The following TRAP1 variants were observed in gnomAD, a reference collection of about 807,000 sequenced individuals.
TRAP1 encodes TNF receptor associated protein 1.
TRAP1 carries 102 observed loss-of-function variants against 89.1 expected under a neutral mutation model. The observed-to-expected ratio is 1.15, with a 90% CI of 0.98 to 1.35. The LOEUF (loss-of-function observed/expected upper bound fraction) is 1.35, where lower values mean the gene tolerates loss of function less well. TRAP1 is among the 40% of genes most tolerant of loss of function. The pLI, the probability that TRAP1 is intolerant of heterozygous loss-of-function variation, is 0.00. For missense variants in TRAP1, 1,256 were observed against 945.3 expected, an observed-to-expected ratio of 1.33 and a Z score of -4.31; for synonymous variants, 508 against 388.0, an observed-to-expected ratio of 1.31 and a Z score of -3.64.
chr16:3,687,423 G>A (rs1284461977), intron 3 of TRAP1: 1 of 152,254 alleles, frequency 6.6e-6, no homozygotes, highest in African/African-American at 2.4e-5. Flanking sequence ...CGTGAAAATG[G>A]ACTAATACAC....
chr16:3,658,410 A>G (rs2042850136), intron 17 of TRAP1, 180 bp from the exon 18 acceptor site: 2 of 613,504 alleles, frequency 3.3e-6, no homozygotes, highest in Non-Finnish European at 5.7e-6. Context: ...GTGAGCCACC[A>G]CGCCTGGCCA....
At chr16:3,663,610 C>A in intron 13 of TRAP1, 48 bp from the exon 14 acceptor site, 1 of 1,609,142 alleles carries the variant, frequency 6.2e-7, no homozygotes, top group Middle Eastern at 1.7e-4. Flanking sequence ...GGCCTCCAGC[C>A]ACCACAGAAG....
At chr16:3,701,191 T>C (rs1222742407) in intron 1 of TRAP1, among the ~76,000 whole-genome samples, 1 of 152,072 alleles carries the variant, frequency 6.6e-6, no homozygotes, top group Non-Finnish European at 1.5e-5. Flanking sequence ...ATAAAAAATA[T>C]TATTAGGAAA....
chr16:3,674,529 T>A, intron 8 of TRAP1, 35 bp from the exon 9 acceptor site: 1 of 1,607,246 alleles, frequency 6.2e-7, no homozygotes, highest in Non-Finnish European at 8.5e-7. Flanking sequence ...GGCGTCGTGT[T>A]CACCACGCAC....
chr16:3,658,811 AGCCAG>A lies in TRAP1; in HGVS notation c.1990_1994del (p.Leu664SerfsTer19), dbSNP rs746411033. On this transcript the variant is annotated frameshift_variant, in exon 17 of 18. Transcript: ENST00000246957. LOFTEE classifies it high-confidence loss of function. ...CACTCACCTGATCCACCAGCAGCTGAGCCAGGCCAGGCTCGCTTGCGCGCAGCTGA... is the reference window on the plus strand; with the variant it reads ...CACTCACCTGATCCACCAGCAGCTGAGCCAGGCTCGCTTGCGCGCAGCTGA... 9.9e-6 allele frequency: 16 copies of A among 1,613,752 alleles called. No homozygotes were observed. Among genetic ancestry groups the A allele is most frequent in the African/African-American group, 5.3e-5 (4 of 74,944 alleles).
In TRAP1 at chr16:3,710,875, A is replaced by ATTTTTTTT. The variant is rs1463164560; in HGVS notation, c.88+6545_88+6546insAAAAAAAA. Among the ~76,000 whole-genome samples, 226 of 59,088 alleles carry ATTTTTTTT rather than the reference A, an allele frequency of 3.8e-3. 1 individual carries two copies. The highest frequency in any genetic ancestry group is 0.015 in the African/African-American group (216 of 14,838). The allele number at this position is 59,088 out of a possible 152,430, so 38.8% of individuals were successfully genotyped here. ...TGTGTGTGTATATATATATATATAT[A>ATTTTTTTT]TATATTTTTTTTTTTGAGACACTGT... is the stretch of plus-strand genomic sequence containing the variant. On this transcript the variant is annotated intron_variant, in intron 1 of 17. Transcript: ENST00000246957.
intron 1 of TRAP1, among the ~76,000 whole-genome samples, chr16:3,715,441 A>AAAAAAG (rs1223571996): frequency 1.3e-5 from 2 of 152,206 alleles, no homozygotes; most frequent in African/African-American, 4.8e-5. Flanking sequence ...CCATCTCAAA[A>AAAAAAG]AAAAAGAAAA....
At chr16:3,703,847 C>G (rs1298015493) in intron 1 of TRAP1, among the ~76,000 whole-genome samples, 1 of 151,506 alleles carries the variant, frequency 6.6e-6, no homozygotes, top group East Asian at 1.9e-4. Context: ...AAGCCAGTCT[C>G]TATTGAAAAT....
chr16:3,689,515 A>G (rs2051184397), intron 2 of TRAP1, among the ~76,000 whole-genome samples: 1 of 152,106 alleles, frequency 6.6e-6, no homozygotes, highest in Admixed American at 6.6e-5. Flanking sequence ...CACATTTAAG[A>G]TCATGAACAA....
At chr16:3,674,618 T>A in intron 8 of TRAP1, 124 bp from the exon 9 acceptor site, 1 of 1,241,244 alleles carries the variant, frequency 8.1e-7, no homozygotes, top group South Asian at 1.4e-5. Flanking sequence ...CGGGCGGTGG[T>A]CTCAGGCGTA....
intron 13 of TRAP1, 92 bp downstream of exon 13, chr16:3,664,182 C>CT (rs2050767407): frequency 8.9e-6 from 12 of 1,353,330 alleles, no homozygotes; most frequent in Non-Finnish European, 1.2e-5. Flanking sequence ...TGCCCGGAGT[C>CT]TTGGGCAGGT....
intron 11 of TRAP1, among the ~76,000 whole-genome samples, chr16:3,668,437 A>G (rs2050867015): frequency 6.6e-6 from 1 of 152,218 alleles, no homozygotes; most frequent in South Asian, 2.1e-4. Flanking sequence ...TAGCTTCAAA[A>G]TACCTATAAC....
At chr16:3,693,582 CT>C (rs2051245996) in intron 1 of TRAP1, among the ~76,000 whole-genome samples, 1 of 152,162 alleles carries the variant, frequency 6.6e-6, no homozygotes, top group Non-Finnish European at 1.5e-5. Context: ...ATCAGTGTTT[CT>C]CACCATTTGT....
intron 4 of TRAP1, among the ~76,000 whole-genome samples, chr16:3,683,060 C>T (rs1290993126): frequency 1.3e-5 from 2 of 151,846 alleles, no homozygotes; most frequent in South Asian, 2.1e-4. Context: ...CCCAGCTACT[C>T]GAGAGACTGA....
rs114275731 is a variant in TRAP1 at position 3,661,570 on chromosome 16, G to A, written c.1940+417C>T. The A allele has an allele frequency of 9.3e-3, 1,529 of 164,072 alleles. 8 individuals carry two copies. Among genetic ancestry groups the A allele is most frequent in the Middle Eastern group, 0.025 (9 of 364 alleles). 10.2% of individuals were successfully genotyped at this position (164,072 alleles called of 1,614,324 possible). A position where few individuals can be genotyped will look rare whatever the true frequency, so the allele number is the denominator to read the frequency against. On this transcript the variant is annotated intron_variant, in intron 16 of 17. Coordinates refer to ENST00000246957, the MANE Select transcript of TRAP1 (RefSeq NM_016292.3). ...CTGTGCCGAGGTGGGTTTCTGCAGC[G>A]GACATTATTCGGCTATGAAAATGAA...
intron 1 of TRAP1, among the ~76,000 whole-genome samples, chr16:3,710,728 C>A (rs1005155728): frequency 6.6e-6 from 1 of 152,102 alleles, no homozygotes; most frequent in African/African-American, 2.4e-5. Flanking sequence ...TAACCCGACA[C>A]ACATAGTTAC....
At chr16:3,674,646 A>C (rs2050963367) in intron 8 of TRAP1, 152 bp from the exon 9 acceptor site, 1 of 895,702 alleles carries the variant, frequency 1.1e-6, no homozygotes, top group Non-Finnish European at 1.7e-6. Context: ...CTCCAGCCCC[A>C]CCGCTGGGCT....
In TRAP1 at chr16:3,675,357, C is replaced by T. The variant is rs1489023677; in HGVS notation, c.855G>A (p.Leu285=). The T allele has an allele frequency of 6.2e-7, 1 of 1,614,108 alleles. No homozygotes were observed. Among genetic ancestry groups the T allele is most frequent in the Admixed American group, 1.7e-5 (1 of 60,020 alleles). Residue 285 remains leucine, a synonymous_variant, in exon 8 of 18, where the codon TTG becomes TTA. Transcript: ENST00000246957. Reference sequence around the variant, plus strand: ...TGTTCATCCGCCTTCCATTCAAGTACAAGGGGAAGCTGACGAAGTTGCTGT... The same window carrying T: ...TGTTCATCCGCCTTCCATTCAAGTATAAGGGGAAGCTGACGAAGTTGCTGT... ...TKYSNFVSFP[L]YLNGRRMNTL... is the part of the protein sequence containing the mutation.
intron 1 of TRAP1, among the ~76,000 whole-genome samples, chr16:3,709,641 G>C (rs945686514): frequency 2.0e-5 from 3 of 149,376 alleles, no homozygotes; most frequent in Admixed American, 2.0e-4. Flanking sequence ...GTTTACCTTT[G>C]TTTCCCTTTT....
Sources: allele counts gnomAD v4.1 joint callset (sites outside exome capture counted in the v4.1 genomes callset), GRCh38; gene constraint gnomAD v4.1.1; transcripts MANE v1.5; gene names NCBI Gene and HGNC (gene_info 2026-07-23, HGNC 2026-07-21).